The following PRKN variants were observed in gnomAD, a reference collection of about 807,000 sequenced individuals.
PRKN encodes parkin RBR E3 ubiquitin protein ligase, also known as E3 ubiquitin-protein ligase parkin.
PRKN carries 56 observed loss-of-function variants against 59.5 expected under a neutral mutation model. That is an observed-to-expected ratio of 0.94 (90% CI 0.76 to 1.18). PRKN has a LOEUF of 1.18. PRKN is among the 50% of genes most tolerant of loss of function. The probability of loss-of-function intolerance (pLI) is 0.00; values close to 1 mark genes in which losing one functional copy is unlikely to be tolerated. For synonymous variants in PRKN, 250 were observed against 222.1 expected (o/e 1.13, Z -1.12); for missense variants, 657 against 596.4 (o/e 1.10, Z -1.06).
chr6:161,622,635 C>T (rs182575022), intron 7 of PRKN, among the ~76,000 whole-genome samples: 1 of 152,290 alleles, frequency 6.6e-6, no homozygotes, highest in Non-Finnish European at 1.5e-5. Context: ...CCTCTTCTGT[C>T]TCTTATCTGA....
At chr6:162,668,656 C>T (rs994835679) in intron 1 of PRKN, among the ~76,000 whole-genome samples, 2 of 152,082 alleles carry the variant, frequency 1.3e-5, no homozygotes, top group East Asian at 3.9e-4. Flanking sequence ...TCAAGAAGTT[C>T]CTAAAGAACT....
At chr6:161,434,116 A>G (rs961524009) in intron 9 of PRKN, among the ~76,000 whole-genome samples, 1 of 152,090 alleles carries the variant, frequency 6.6e-6, no homozygotes, top group Non-Finnish European at 1.5e-5. Flanking sequence ...ACTTGTGAGG[A>G]GGTACATTGT....
intron 1 of PRKN, among the ~76,000 whole-genome samples, chr6:162,559,323 G>A (rs572751148): frequency 4.6e-5 from 7 of 151,998 alleles, no homozygotes; most frequent in Admixed American, 4.6e-4. Flanking sequence ...TAAAATTTTT[G>A]TTCTATCAAA....
intron 6 of PRKN, among the ~76,000 whole-genome samples, chr6:161,885,417 C>G (rs571868131): frequency 6.6e-6 from 1 of 152,084 alleles, no homozygotes; most frequent in Non-Finnish European, 1.5e-5. Flanking sequence ...GTAATCCCAG[C>G]ACTTTGGGAG....
chr6:161,727,600 C>T (rs1475014810), intron 7 of PRKN, among the ~76,000 whole-genome samples: 2 of 152,190 alleles, frequency 1.3e-5, no homozygotes, highest in South Asian at 2.1e-4. Context: ...TTTTAAAATG[C>T]TTGCTGTGAT....
intron 7 of PRKN, among the ~76,000 whole-genome samples, chr6:161,735,209 G>T (rs1787913960): frequency 6.6e-6 from 1 of 151,814 alleles, no homozygotes. Context: ...AGTTTGAGCT[G>T]TACACACAAG....
At chr6:162,101,615 T>C (rs954117082) in intron 4 of PRKN, among the ~76,000 whole-genome samples, 4 of 151,474 alleles carry the variant, frequency 2.6e-5, no homozygotes, top group Admixed American at 6.6e-5. Flanking sequence ...GAGCTTGCAG[T>C]GAGCCGAGAT....
chr6:162,510,972 A>ATG (rs1777587499), intron 1 of PRKN, among the ~76,000 whole-genome samples: 1 of 152,076 alleles, frequency 6.6e-6, no homozygotes, highest in Admixed American at 6.6e-5. Context: ...ATATATATAT[A>ATG]TACCCACTGA....
chr6:162,450,958 G>T (rs543714784), intron 1 of PRKN, among the ~76,000 whole-genome samples: 11 of 152,124 alleles, frequency 7.2e-5, no homozygotes, highest in Non-Finnish European at 1.6e-4. Context: ...TGGGTGTGGG[G>T]TACATGGGAA....
At chr6:162,589,443 C>T (rs1212789936) in intron 1 of PRKN, among the ~76,000 whole-genome samples, 5 of 152,174 alleles carry the variant, frequency 3.3e-5, no homozygotes, top group African/African-American at 1.2e-4. Context: ...TCCTCATTCA[C>T]ACTTCTGGGA....
intron 1 of PRKN, among the ~76,000 whole-genome samples, chr6:162,462,032 G>A (rs1296638577): frequency 1.3e-5 from 2 of 152,128 alleles, no homozygotes; most frequent in East Asian, 3.9e-4. Flanking sequence ...TAGCCATGAG[G>A]TTGTCAGTAT....
intron 4 of PRKN, among the ~76,000 whole-genome samples, chr6:162,087,447 T>A (rs1208248131): frequency 6.6e-6 from 1 of 151,908 alleles, no homozygotes; most frequent in East Asian, 1.9e-4. Context: ...TGGCACAGAT[T>A]AGAATTTTAT....
At chr6:161,513,670 T>G (rs1778483383) in intron 9 of PRKN, among the ~76,000 whole-genome samples, 1 of 152,000 alleles carries the variant, frequency 6.6e-6, no homozygotes, top group Non-Finnish European at 1.5e-5. Flanking sequence ...TAGGAGGTGA[T>G]TTTCTACCTG....
chr6:162,147,719 A>C lies in PRKN; in HGVS notation c.534+53412T>G, dbSNP rs1782090074. ...TAAGGGAAGGGTACTTCCAAACACA[A>C]TTTTAAAGTCATACTCTTAAAAACG... On this transcript the variant is annotated intron_variant, in intron 4 of 11. Coordinates refer to ENST00000366898, the MANE Select transcript of PRKN (RefSeq NM_004562.3). Among the ~76,000 whole-genome samples the C allele has an allele frequency of 3.3e-5, 5 of 152,308 alleles. No homozygotes were observed. The South Asian group carries it at 1.0e-3, about 32-fold the overall frequency.
chr6:161,915,289 T>C (rs956806539), intron 6 of PRKN, among the ~76,000 whole-genome samples: 2 of 152,000 alleles, frequency 1.3e-5, no homozygotes, highest in African/African-American at 4.8e-5. Context: ...TGTTTAAAAA[T>C]AAAATAAAAT....
chr6:162,121,436 A>C (rs1048355767), intron 4 of PRKN, among the ~76,000 whole-genome samples: 1 of 152,186 alleles, frequency 6.6e-6, no homozygotes, highest in Non-Finnish European at 1.5e-5. Context: ...AAAGAAGGAC[A>C]GTACTTGATG....
intron 6 of PRKN, among the ~76,000 whole-genome samples, chr6:161,809,940 T>C (rs1791493534): frequency 6.6e-6 from 1 of 152,264 alleles, no homozygotes; most frequent in Admixed American, 6.5e-5. Flanking sequence ...TTTTTAATAA[T>C]AAACTTTTAA....
chr6:161,380,214 C>T (rs534898954), intron 10 of PRKN, among the ~76,000 whole-genome samples: 2 of 152,328 alleles, frequency 1.3e-5, no homozygotes, highest in South Asian at 4.1e-4. Flanking sequence ...GAGCTCATCC[C>T]TGTAGGTCTC....
Position 161,386,708 on chromosome 6 carries a change from G to T in PRKN, c.1167+86C>A. 1 of 1,051,652 alleles carries T rather than the reference G, an allele frequency of 9.5e-7. No individual in the cohort carries two copies. The highest frequency in any genetic ancestry group is 1.3e-5 in the South Asian group (1 of 79,440). The allele number at this position is 1,051,652 out of a possible 1,614,324, so 65.1% of individuals were successfully genotyped here. Reference sequence around the variant, plus strand: ...GTCTGCTTCTTGCTTTTTTAGAATGGAACTCTCCATGACCTCCAGGAAACG... The same window carrying T: ...GTCTGCTTCTTGCTTTTTTAGAATGTAACTCTCCATGACCTCCAGGAAACG... On this transcript the variant is annotated intron_variant, in intron 10 of 11. Transcript: ENST00000366898. This position sits in a 1 kb window ranked among gnomAD's most constrained non-coding sequence, Gnocchi z 4.3.
Sources: allele counts gnomAD v4.1 joint callset (sites outside exome capture counted in the v4.1 genomes callset), GRCh38; gene constraint gnomAD v4.1.1; non-coding constraint Gnocchi (gnomAD v3.1); transcripts MANE v1.5; gene names NCBI Gene and HGNC (gene_info 2026-07-23, HGNC 2026-07-21).